The following GDPGP1 variants were observed in gnomAD, a reference collection of about 807,000 sequenced individuals.
GDPGP1 encodes the protein GDP-D-glucose phosphorylase C15orf58.
A neutral mutation model predicts 19.2 loss-of-function variants in GDPGP1; 18 were observed. The observed-to-expected ratio is 0.94, with a 90% CI of 0.65 to 1.39. The LOEUF is 1.39. Ranked by LOEUF, GDPGP1 falls within the 40% of genes most tolerant of loss-of-function variation. The pLI is 0.00. For synonymous variants in GDPGP1, 219 were observed against 208.9 expected, an observed-to-expected ratio of 1.05 and a Z score of -0.42; for missense variants, 449 against 490.5, an observed-to-expected ratio of 0.92 and a Z score of 0.80.
Position 90,242,597 on chromosome 15 carries a change from A to G in GDPGP1, c.*531A>G, listed in dbSNP as rs1273597950. On this transcript the variant is annotated 3_prime_UTR_variant, in exon 4 of 4. Transcript: ENST00000329600. ...AGCTGGGACTATACAGGCTCCTGCC[A>G]CCAAACCCGGCTAATTTTTTTGTAT... is the stretch of plus-strand genomic sequence containing the variant. 1.3e-5 allele frequency: 2 copies of G among 150,968 alleles called. No homozygotes were observed. Among genetic ancestry groups the G allele is most frequent in the East Asian group, 3.9e-4 (2 of 5,140 alleles). 9.4% of individuals were successfully genotyped at this position (150,968 alleles called of 1,614,324 possible).
intron 3 of GDPGP1, among the ~76,000 whole-genome samples, chr15:90,239,437 C>T (rs1273972565): frequency 6.6e-6 from 1 of 151,888 alleles, no homozygotes; most frequent in Non-Finnish European, 1.5e-5. Context: ...CAAGGGTGGA[C>T]AGGCCTCAGG....
Position 90,242,014 on chromosome 15 carries a change from C to G in GDPGP1, c.1106C>G (p.Ala369Gly). ...IQDCRLPPSQ[A>G]EDVQAALVAL... ...GACTGTCGGCTGCCCCCATCCCAGG[C>G]AGAAGACGTACAGGCAGCACTGGTG... Residue 369 changes from alanine to glycine, a missense_variant, in exon 4 of 4, where the codon GCA becomes GGA. Physicochemically the swap from Ala to Gly is moderately conservative, Grantham distance 60. Coordinates refer to ENST00000329600, the MANE Select transcript of GDPGP1 (RefSeq NM_001013657.3). 6.2e-7 allele frequency: 1 copy of G among 1,614,012 alleles called. No homozygotes were observed. Among genetic ancestry groups the G allele is most frequent in the Non-Finnish European group, 8.5e-7 (1 of 1,179,952 alleles).
rs766084622 is a variant in GDPGP1 at position 90,242,022 on chromosome 15, G to T, written c.1114G>T (p.Val372Leu). The change falls in exon 4 of 4, where the codon GTA (valine) becomes TTA (leucine). Residue 372 changes from valine to leucine, a missense_variant. Val to Leu is a conservative substitution (Grantham distance 32). Coordinates refer to ENST00000329600, the MANE Select transcript of GDPGP1 (RefSeq NM_001013657.3). ...GCTGCCCCCATCCCAGGCAGAAGACGTACAGGCAGCACTGGTGGCCCTGAT... is the reference window on the plus strand; with the variant it reads ...GCTGCCCCCATCCCAGGCAGAAGACTTACAGGCAGCACTGGTGGCCCTGAT... ...CRLPPSQAED[V>L]QAALVALMSQ... 4 of 1,613,700 alleles carry T rather than the reference G, an allele frequency of 2.5e-6. No individual in the cohort carries two copies. In the African/African-American group the frequency reaches 4.0e-5, roughly 16 times the overall value.
At chr15:90,236,938 CT>C (rs1962647704) in intron 2 of GDPGP1, among the ~76,000 whole-genome samples, 1 of 151,902 alleles carries the variant, frequency 6.6e-6, no homozygotes, top group African/African-American at 2.4e-5. Flanking sequence ...TAAAACCGAG[CT>C]GCTGATATAC....
At position 90,241,721 on chromosome 15, in the gene GDPGP1, C is replaced by CA; in HGVS notation, c.814dup (p.Arg272LysfsTer7). 4.3e-6 allele frequency: 7 copies of CA among 1,614,232 alleles called. No homozygotes were observed. Among genetic ancestry groups the CA allele is most frequent in the Non-Finnish European group, 5.9e-6 (7 of 1,180,036 alleles). ...GGCCTGACTTGGAGTCCTTGATAAG[C>CA]AGGGTATGTCGGGCCACTGATTATC... On this transcript the variant is annotated frameshift_variant, in exon 4 of 4. Coordinates refer to ENST00000329600, the MANE Select transcript of GDPGP1 (RefSeq NM_001013657.3). LOFTEE classifies it high-confidence loss of function.
rs79056745 is a variant in GDPGP1, at chr15:90,241,144, G to A, written c.236G>A (p.Arg79His). ...GTGGAGCTGGGGCTGTTTCGCTACC[G>A]TCTACGGGAGCTACAGACCCAAATC... ...QRVELGLFRY[R>H]LRELQTQILP... is the part of the protein sequence containing the mutation. Residue 79 changes from arginine (R) to histidine (H), a missense_variant, in exon 4 of 4, where the codon CGT becomes CAT. Transcript: ENST00000329600. 6,181 of 1,614,104 alleles carry A rather than the reference G, an allele frequency of 3.8e-3. 231 individuals are homozygous for A. In the African/African-American group the frequency reaches 0.072, roughly 19 times the overall value.
chr15:90,239,716 C>A (rs79020413), intron 3 of GDPGP1, among the ~76,000 whole-genome samples: 3,810 of 152,288 alleles, frequency 0.025, 148 homozygotes, highest in African/African-American at 0.083. Context: ...ATCTATCTAT[C>A]TATTTTTTTG....
In GDPGP1 at chr15:90,241,907, T is replaced by G; in HGVS notation, c.999T>G (p.Cys333Trp). 1 of 1,614,112 alleles carries G rather than the reference T, an allele frequency of 6.2e-7. No homozygotes were observed. Among genetic ancestry groups the G allele is most frequent in the Non-Finnish European group, 8.5e-7 (1 of 1,180,014 alleles). ...GTGAAGCTTTCAATGTTGCCCTCTG[T>G]GAGCTGGCTGGGCACCTCCCTGTCA... is the stretch of plus-strand genomic sequence containing the variant. ...KDGEAFNVAL[C>W]ELAGHLPVKT... The change falls in exon 4 of 4, where the codon TGT (cysteine) becomes TGG (tryptophan). Residue 333 changes from cysteine to tryptophan, a missense_variant. Physicochemically the swap from Cys to Trp is radical, Grantham distance 215 (BLOSUM62 -2). Transcript: ENST00000329600.
rs71151576 is a variant in GDPGP1, at chr15:90,242,431, CTTTTTTTTTTTTTTTTTTTTTTTTT to C, written c.*372_*396del. The stretch of plus-strand genomic sequence containing the variant: ...TGAGCCCCTGGATTCTTTTCTGTTT[CTTTTTTTTTTTTTTTTTTTTTTTTT>C]TTTTTTGAGATAGTCTCGCTCTGTC... On this transcript the variant is annotated 3_prime_UTR_variant, in exon 4 of 4. Transcript: ENST00000329600. 1.5e-5 allele frequency: 1 copy of C among 65,510 alleles called. No homozygotes were observed. The highest frequency in any genetic ancestry group is 5.8e-5 in the African/African-American group (1 of 17,340). The allele number at this position is 65,510 out of a possible 1,614,324, so 4.1% of individuals were successfully genotyped here.
At chr15:90,234,742 C>G (rs557661280) in intron 2 of GDPGP1, 146 bp downstream of exon 2, 1 of 152,274 alleles carries the variant, frequency 6.6e-6, no homozygotes, top group African/African-American at 2.4e-5. Flanking sequence ...TCCAGCTGAC[C>G]TGCCGTCCTT....
chr15:90,237,558 G>C (rs1021027527), intron 2 of GDPGP1, among the ~76,000 whole-genome samples: 26 of 152,066 alleles, frequency 1.7e-4, no homozygotes, highest in African/African-American at 6.0e-4. Flanking sequence ...TGCTGGTCCA[G>C]GGATTACAGG....
At position 90,241,821 on chromosome 15, in the gene GDPGP1, G is replaced by A. The variant is rs1198265945; in HGVS notation, c.913G>A (p.Ala305Thr). ...GCCGGGAAAGACATCACCTTCCTCA[G>A]CCCTCACAGGGGTCCGAGTAATTCT... ...APPGKTSPSSALTGVRVILWA... is the reference protein window; with the variant it reads ...APPGKTSPSSTLTGVRVILWA... The change falls in exon 4 of 4, where the codon GCC becomes ACC. Residue 305 changes from alanine (A) to threonine (T), a missense_variant. Coordinates refer to ENST00000329600, the MANE Select transcript of GDPGP1 (RefSeq NM_001013657.3). 2 of 1,614,220 alleles carry A rather than the reference G, an allele frequency of 1.2e-6. No individual in the cohort carries two copies. Among genetic ancestry groups the A allele is most frequent in the African/African-American group, 1.3e-5 (1 of 75,070 alleles).
Position 90,242,153 on chromosome 15 carries a change from T to A in GDPGP1, c.*87T>A, listed in dbSNP as rs966418125. 8.6e-7 allele frequency: 1 copy of A among 1,156,182 alleles called. No individual in the cohort carries two copies. The highest frequency in any genetic ancestry group is 2.7e-5 in the Admixed American group (1 of 36,832). The allele number at this position is 1,156,182 out of a possible 1,614,324, so 71.6% of individuals were successfully genotyped here. On this transcript the variant is annotated 3_prime_UTR_variant, in exon 4 of 4. Transcript: ENST00000329600. Reference sequence around the variant, plus strand: ...CCCAGGCTAGAGTGTAGTGGTATGATCCTGGCTCACTGTAGCCTCCACCTC... The same window carrying A: ...CCCAGGCTAGAGTGTAGTGGTATGAACCTGGCTCACTGTAGCCTCCACCTC...
rs1197679519 is a variant in GDPGP1, at chr15:90,245,674, G to A, written c.*3608G>A. 5 of 151,982 alleles carry A rather than the reference G, an allele frequency of 3.3e-5. No homozygotes were observed. Among genetic ancestry groups the A allele is most frequent in the Non-Finnish European group, 7.4e-5 (5 of 68,016 alleles). 9.4% of individuals were successfully genotyped at this position (151,982 alleles called of 1,614,324 possible). On this transcript the variant is annotated 3_prime_UTR_variant, in exon 4 of 4. Coordinates refer to ENST00000329600, the MANE Select transcript of GDPGP1 (RefSeq NM_001013657.3). The stretch of plus-strand genomic sequence containing the variant: ...ACCATTACAGCAAAGTGGATTTTGC[G>A]TTCAAAGTGATAAGCCAAATATCAG...
At chr15:90,236,750 A>T (rs946302382) in intron 2 of GDPGP1, among the ~76,000 whole-genome samples, 1 of 150,824 alleles carries the variant, frequency 6.6e-6, no homozygotes, top group African/African-American at 2.4e-5. Flanking sequence ...GTCGGCCAGG[A>T]TGGTCTCGAT....
At position 90,241,587 on chromosome 15, in the gene GDPGP1, A is replaced by G; in HGVS notation, c.679A>G (p.Arg227Gly). The G allele has an allele frequency of 2.5e-6, 4 of 1,613,556 alleles. No individual in the cohort carries two copies. The highest frequency in any genetic ancestry group is 3.4e-6 in the Non-Finnish European group (4 of 1,180,032). ...LHLHGYYLAH[R>G]LPVEQAPSEP... The stretch of plus-strand genomic sequence containing the variant: ...CCTGCATGGCTATTACCTGGCCCAC[A>G]GACTGCCCGTGGAGCAGGCGCCAAG... The change falls in exon 4 of 4, where the codon AGA (arginine) becomes GGA (glycine). Residue 227 changes from arginine to glycine, a missense_variant. Physicochemically the swap from Arg to Gly is moderately radical, Grantham distance 125. Transcript: ENST00000329600.
chr15:90,240,798 A>T, intron 3 of GDPGP1, 102 bp from the exon 4 acceptor site: 1 of 720,906 alleles, frequency 1.4e-6, no homozygotes, highest in Non-Finnish European at 2.2e-6. Context: ...TGGGTGACAG[A>T]GTGAGACTCC....
At position 90,240,902 on chromosome 15, in the gene GDPGP1, C is replaced by T; in HGVS notation, c.-7C>T. 1 of 1,602,372 alleles carries T rather than the reference C, an allele frequency of 6.2e-7. No homozygotes were observed. Among genetic ancestry groups the T allele is most frequent in the South Asian group, 1.1e-5 (1 of 90,608 alleles). On this transcript the variant is annotated splice_region_variant and 5_prime_UTR_variant, in exon 4 of 4. Transcript: ENST00000329600. The stretch of plus-strand genomic sequence containing the variant: ...TTCATCTTTTATGACTATTTCAGGT[C>T]AGCTCTATGGCTCTTCCACATGATT...
chr15:90,240,241 C>G (rs2034333376), intron 3 of GDPGP1, among the ~76,000 whole-genome samples: 1 of 150,658 alleles, frequency 6.6e-6, no homozygotes, highest in African/African-American at 2.5e-5. Context: ...GGTGCAGTGG[C>G]TCAGGCCTGT....
Sources: allele counts gnomAD v4.1 joint callset (sites outside exome capture counted in the v4.1 genomes callset), GRCh38; gene constraint gnomAD v4.1.1; transcripts MANE v1.5; gene names NCBI Gene and HGNC (gene_info 2026-07-23, HGNC 2026-07-21).